Variants in CCDC15 observed in about 807,000 individuals in gnomAD.
The protein encoded by CCDC15 is coiled-coil domain-containing protein 15.
A neutral mutation model predicts 114.5 loss-of-function variants in CCDC15; 105 were observed. The ratio of observed to expected loss-of-function variants is 0.92; its 90% CI spans 0.78 to 1.08. The LOEUF (loss-of-function observed/expected upper bound fraction) is 1.08. CCDC15 is among the 50% of genes least tolerant of loss of function. The pLI, the probability that CCDC15 is intolerant of heterozygous loss-of-function variation, is 0.00. For synonymous variants in CCDC15, 334 were observed against 377.8 expected (o/e 0.88, Z 1.34); for missense variants, 1,105 against 1,093.6 (o/e 1.01, Z -0.15).
chr11:124,986,681 GTGTGTGTGTT>G (rs951393048), intron 6 of CCDC15, 51 bp from the exon 7 acceptor site: 47 of 1,399,186 alleles, frequency 3.4e-5, no homozygotes, highest in African/African-American at 9.6e-5. Context: ...GTGTGTGTGT[GTGTGTGTGTT>G]TGTGTGTGTG....
chr11:125,029,551 G>A (rs1948724869), intron 13 of CCDC15, among the ~76,000 whole-genome samples: 1 of 152,196 alleles, frequency 6.6e-6, no homozygotes, highest in Admixed American at 6.5e-5. Flanking sequence ...CTTAGTACAG[G>A]AGTATACATG....
intron 13 of CCDC15, among the ~76,000 whole-genome samples, chr11:125,012,261 A>G (rs576695174): frequency 1.3e-5 from 2 of 152,280 alleles, no homozygotes; most frequent in African/African-American, 4.8e-5. Context: ...ATGGGAAGAG[A>G]TATGGTCAGA....
chr11:124,955,299 T>C lies in CCDC15; in HGVS notation c.177+390T>C, dbSNP rs556910959. Among the ~76,000 whole-genome samples the C allele has an allele frequency of 2.6e-5, 4 of 152,278 alleles. No individual in the cohort carries two copies. The South Asian group carries it at 8.3e-4, about 32-fold the overall frequency. ...GTTGGCATACTTCAAGTAACATTAA[T>C]TGGTTGCTTAAGGTTTATGATAAAT... On this transcript the variant is annotated intron_variant, in intron 2 of 15. Coordinates refer to ENST00000344762, the MANE Select transcript of CCDC15 (RefSeq NM_025004.3).
chr11:125,001,251 T>C (rs1302103830), intron 11 of CCDC15, among the ~76,000 whole-genome samples: 2 of 152,244 alleles, frequency 1.3e-5, no homozygotes, highest in East Asian at 1.9e-4. Flanking sequence ...TCAGCCTCAG[T>C]TGGCAACATG....
chr11:124,976,394 G>A (rs899645793), intron 5 of CCDC15, among the ~76,000 whole-genome samples: 110 of 152,018 alleles, frequency 7.2e-4, no homozygotes, highest in African/African-American at 2.3e-3. Flanking sequence ...ACAAGTGGGC[G>A]TGGATATGTG....
chr11:124,958,878 G>A (rs547384143), intron 2 of CCDC15, among the ~76,000 whole-genome samples: 43 of 152,278 alleles, frequency 2.8e-4, no homozygotes, highest in Admixed American at 2.0e-3. Flanking sequence ...CTCCATTTTA[G>A]AAAATGTGTA....
chr11:125,015,033 A>G (rs1197285239), intron 13 of CCDC15, among the ~76,000 whole-genome samples: 1 of 152,220 alleles, frequency 6.6e-6, no homozygotes, highest in African/African-American at 2.4e-5. Context: ...AAAAATTATA[A>G]TGGCAATTAG....
intron 13 of CCDC15, among the ~76,000 whole-genome samples, chr11:125,018,914 G>A (rs907590449): frequency 2.0e-5 from 3 of 151,910 alleles, no homozygotes; most frequent in Non-Finnish European, 2.9e-5. Context: ...ATTGGAGAGG[G>A]GAAAGGCTGG....
intron 13 of CCDC15, among the ~76,000 whole-genome samples, chr11:125,036,010 A>G (rs1744637745): frequency 6.6e-6 from 1 of 150,596 alleles, no homozygotes; most frequent in Non-Finnish European, 1.5e-5. Flanking sequence ...TGAGTAGCTT[A>G]CACACCACAA....
chr11:125,034,093 C>A (rs1435370042), intron 13 of CCDC15, among the ~76,000 whole-genome samples: 1 of 152,184 alleles, frequency 6.6e-6, no homozygotes, highest in Non-Finnish European at 1.5e-5. Flanking sequence ...GCAACTGCCT[C>A]AGGGGAGGCC....
At chr11:125,012,652 G>T (rs1948601510) in intron 13 of CCDC15, among the ~76,000 whole-genome samples, 1 of 152,164 alleles carries the variant, frequency 6.6e-6, no homozygotes, top group African/African-American at 2.4e-5. Flanking sequence ...CAGGGAAGGG[G>T]ATAAGGATGG....
chr11:125,003,143 T>C (rs1948505628), intron 11 of CCDC15, among the ~76,000 whole-genome samples: 1 of 152,046 alleles, frequency 6.6e-6, no homozygotes, highest in Non-Finnish European at 1.5e-5. Flanking sequence ...TTTCTTCTTT[T>C]TGAAGATACT....
At position 124,987,388 on chromosome 11, in the gene CCDC15, A is replaced by G. The variant is rs375329192; in HGVS notation, c.1162A>G (p.Thr388Ala). The change falls in exon 8 of 16, where the codon ACT becomes GCT. Residue 388 changes from threonine (T) to alanine (A), a missense_variant. Transcript: ENST00000344762. ...AGAAGGCCAGCCTATTAAGACAGAA[A>G]CTCAGGGTATTATGCTGAAAGCCCA... is the stretch of plus-strand genomic sequence containing the variant. ...EPEGQPIKTE[T>A]QGIMLKAQSI... 2.4e-5 allele frequency: 38 copies of G among 1,613,848 alleles called. No homozygotes were observed. The highest frequency in any genetic ancestry group is 3.1e-5 in the Non-Finnish European group (37 of 1,179,892).
chr11:124,983,984 G>T (rs12786998), intron 6 of CCDC15, among the ~76,000 whole-genome samples: 1 of 152,172 alleles, frequency 6.6e-6, no homozygotes, highest in Admixed American at 6.5e-5. Flanking sequence ...GTTCCCTCCA[G>T]GTAGGCGTTC....
intron 4 of CCDC15, among the ~76,000 whole-genome samples, chr11:124,968,893 T>G (rs1175288148): frequency 6.6e-6 from 1 of 152,172 alleles, no homozygotes; most frequent in Non-Finnish European, 1.5e-5. Context: ...GACTGATCAT[T>G]TTATTTTTAG....
At chr11:125,010,826 G>A (rs1387326298) in intron 13 of CCDC15, among the ~76,000 whole-genome samples, 1 of 152,064 alleles carries the variant, frequency 6.6e-6, no homozygotes. Flanking sequence ...TTTTGCTTTT[G>A]TTGCAATTGC....
At chr11:124,970,953 A>G (rs1212114630) in intron 4 of CCDC15, among the ~76,000 whole-genome samples, 2 of 152,154 alleles carry the variant, frequency 1.3e-5, no homozygotes, top group Non-Finnish European at 2.9e-5. Flanking sequence ...TCTGTGTGCA[A>G]AATAGACATT....
At chr11:124,970,914 G>A (rs767431359) in intron 4 of CCDC15, among the ~76,000 whole-genome samples, 6 of 152,154 alleles carry the variant, frequency 3.9e-5, no homozygotes, top group Non-Finnish European at 7.4e-5. Flanking sequence ...TTACAAAGAA[G>A]TGCTTTTGCT....
intron 13 of CCDC15, among the ~76,000 whole-genome samples, chr11:125,012,161 A>G (rs1351645480): frequency 2.0e-5 from 3 of 152,140 alleles, no homozygotes; most frequent in African/African-American, 7.2e-5. Context: ...TGAGTAAAGA[A>G]TTCCAGGGGC....
Sources: gnomAD v4.1 joint callset for allele counts (sites outside exome capture counted in the v4.1 genomes callset) on GRCh38, gnomAD v4.1.1 for gene constraint, MANE v1.5 for transcripts, NCBI Gene and HGNC (gene_info 2026-07-23, HGNC 2026-07-21) for gene names.